ZNF362: variants seen among roughly 807,000 people sequenced by gnomAD.
ZNF362 encodes the protein rotund homolog.
ZNF362 carries 11 observed loss-of-function variants against 42.9 expected under a neutral mutation model. That is an observed-to-expected ratio of 0.26 (90% CI 0.16 to 0.42). The LOEUF (loss-of-function observed/expected upper bound fraction) is 0.42, where lower values mean the gene tolerates loss of function less well. Ranked by LOEUF, ZNF362 falls within the 20% of genes least tolerant of loss-of-function variation. The pLI is 1.00. For missense variants in ZNF362, 362 were observed against 576.2 expected (o/e 0.63, Z 3.81); for synonymous variants, 255 against 257.3 (o/e 0.99, Z 0.09).
intron 1 of ZNF362, among the ~76,000 whole-genome samples, chr1:33,259,793 G>A (rs1037325661): frequency 1.3e-5 from 2 of 152,224 alleles, no homozygotes; most frequent in Non-Finnish European, 2.9e-5. Flanking sequence ...GTCCCCAGGG[G>A]AGGTCTCTCA....
chr1:33,275,319 A>C, intron 2 of ZNF362: 1 of 985,408 alleles, frequency 1.0e-6, no homozygotes. Flanking sequence ...CCTGCCATGG[A>C]ACTTGCCAGA....
chr1:33,235,067 C>T, the ZNF362 span, among the ~76,000 whole-genome samples: 1 of 152,152 alleles, frequency 6.6e-6, no homozygotes, highest in Non-Finnish European at 1.5e-5. Context: ...GATGGAGGCA[C>T]CGTGTTGTGT....
At position 33,281,760 on chromosome 1, in the gene ZNF362, C is replaced by T; in HGVS notation, c.857C>T (p.Ser286Phe). The T allele has an allele frequency of 6.2e-7, 1 of 1,614,250 alleles. No homozygotes were observed. The highest frequency in any genetic ancestry group is 8.5e-7 in the Non-Finnish European group (1 of 1,180,034). The change falls in exon 6 of 9, where the codon TCC becomes TTC. Residue 286 changes from serine to phenylalanine, a missense_variant. Physicochemically the swap from Ser to Phe is radical, Grantham distance 155 (BLOSUM62 -2). Around this residue, in one of 3 missense-constraint regions of ZNF362, gnomAD observed 28 missense variants for 103.4 expected, o/e 0.27. Coordinates refer to ENST00000539719, the MANE Select transcript of ZNF362 (RefSeq NM_152493.3). This position sits in a 1 kb window ranked among gnomAD's most constrained non-coding sequence, Gnocchi z 4.8. The stretch of plus-strand genomic sequence containing the variant: ...CTGGGCGTCAAGCCCTACCACTGCT[C>T]CTACTGTGATAAGTCCTTCCGGCAG... The part of the protein sequence containing the change: ...IHLGVKPYHC[S>F]YCDKSFRQLS...
At chr1:33,258,493 C>T (rs981478898) in intron 1 of ZNF362, among the ~76,000 whole-genome samples, 6 of 152,064 alleles carry the variant, frequency 3.9e-5, no homozygotes, top group African/African-American at 1.4e-4. Flanking sequence ...ATGTCTTGGC[C>T]AGAGGGTACC....
the ZNF362 span, among the ~76,000 whole-genome samples, chr1:33,175,284 C>G: frequency 2.0e-5 from 3 of 151,796 alleles, no homozygotes; most frequent in African/African-American, 7.3e-5. Flanking sequence ...TCAGGTGATC[C>G]GCCTGCCTTG....
At chr1:33,210,222 T>C in the ZNF362 span, among the ~76,000 whole-genome samples, 1 of 152,242 alleles carries the variant, frequency 6.6e-6, no homozygotes, top group African/African-American at 2.4e-5. Context: ...TCAGTTTCCA[T>C]GTAGTTGTGC....
At chr1:33,241,526 T>C in the ZNF362 span, among the ~76,000 whole-genome samples, 1 of 150,774 alleles carries the variant, frequency 6.6e-6, no homozygotes, top group African/African-American at 2.4e-5. Flanking sequence ...ACGAATAAAA[T>C]TTTTTACAAA....
chr1:33,133,118 G>GC, the ZNF362 span, among the ~76,000 whole-genome samples: 1 of 152,186 alleles, frequency 6.6e-6, no homozygotes, highest in East Asian at 1.9e-4. Flanking sequence ...GGCAGCCTTG[G>GC]CCCATAGTCA....
chr1:33,257,563 G>T (rs1451615232), intron 1 of ZNF362, among the ~76,000 whole-genome samples: 5 of 151,866 alleles, frequency 3.3e-5, no homozygotes, highest in African/African-American at 1.2e-4. Flanking sequence ...GGATGGGGGT[G>T]GGGGGGCGGA....
chr1:33,161,999 C>T, the ZNF362 span, among the ~76,000 whole-genome samples: 1 of 152,156 alleles, frequency 6.6e-6, no homozygotes, highest in African/African-American at 2.4e-5. The surrounding 1 kb of genome is among the most constrained non-coding windows in gnomAD (Gnocchi z 4.3). Context: ...CCTTGCCTGT[C>T]TCCTGAGTGC....
the ZNF362 span, among the ~76,000 whole-genome samples, chr1:33,210,841 C>G: frequency 2.0e-5 from 3 of 152,138 alleles, no homozygotes; most frequent in East Asian, 5.8e-4. Context: ...GATGTGTCTC[C>G]TGAATACAGC....
the ZNF362 span, among the ~76,000 whole-genome samples, chr1:33,193,468 A>T: frequency 0.089 from 13,490 of 152,312 alleles, 785 homozygotes; most frequent in South Asian, 0.17. Context: ...GGTAAAAAAC[A>T]TTACAAAGTA....
At chr1:33,179,575 C>T in the ZNF362 span, among the ~76,000 whole-genome samples, 33 of 152,330 alleles carry the variant, frequency 2.2e-4, no homozygotes, top group South Asian at 6.6e-3. Flanking sequence ...TCCAAACGCT[C>T]CACAGTGTGG....
the ZNF362 span, among the ~76,000 whole-genome samples, chr1:33,250,852 GGAAGAAGAAGAAGAAGAA>G: frequency 2.2e-5 from 3 of 137,594 alleles, no homozygotes; most frequent in East Asian, 6.4e-4. Context: ...GAAGAAAGAA[GGAAGAAGAAGAAGAAGAA>G]GAAGAAGAAG....
At chr1:33,177,741 C>A in the ZNF362 span, among the ~76,000 whole-genome samples, 2 of 152,186 alleles carry the variant, frequency 1.3e-5, no homozygotes, top group Non-Finnish European at 1.5e-5. The surrounding 1 kb of genome is among the most constrained non-coding windows in gnomAD (Gnocchi z 4.1). Flanking sequence ...CTATAACACA[C>A]AAGATGGCCC....
the ZNF362 span, among the ~76,000 whole-genome samples, chr1:33,222,058 A>G: frequency 4.5e-4 from 69 of 152,294 alleles, no homozygotes; most frequent in African/African-American, 1.6e-3. Flanking sequence ...TGCCCAGTAT[A>G]GGTTCATGAG....
At chr1:33,218,568 A>T in the ZNF362 span, among the ~76,000 whole-genome samples, 11 of 152,160 alleles carry the variant, frequency 7.2e-5, no homozygotes, top group Non-Finnish European at 1.3e-4. Context: ...TTGTAATCTA[A>T]CAGGTGAACT....
chr1:33,218,117 G>T, the ZNF362 span, among the ~76,000 whole-genome samples: 2 of 152,130 alleles, frequency 1.3e-5, no homozygotes, highest in African/African-American at 4.8e-5. Flanking sequence ...GCATTTTTAG[G>T]ATAAATTTCT....
the ZNF362 span, among the ~76,000 whole-genome samples, chr1:33,144,135 CTTTTTTTTTTT>C: frequency 3.4e-5 from 5 of 146,486 alleles, no homozygotes; most frequent in Admixed American, 6.8e-5. Flanking sequence ...AATGTTACTT[CTTTTTTTTTTT>C]TTTTTTTTTG....
Sources: allele counts gnomAD v4.1 joint callset (sites outside exome capture counted in the v4.1 genomes callset), GRCh38; gene constraint gnomAD v4.1.1; regional missense constraint gnomAD v4.1.1; non-coding constraint Gnocchi (gnomAD v3.1); transcripts MANE v1.5; gene names NCBI Gene and HGNC (gene_info 2026-07-23, HGNC 2026-07-21).